CADM2: variants seen among roughly 807,000 people sequenced by gnomAD.
CADM2 encodes the protein immunoglobulin superfamily member 4D.
A neutral mutation model predicts 49.8 loss-of-function variants in CADM2; 12 were observed. The observed-to-expected ratio is 0.24, with a 90% CI of 0.15 to 0.39. The LOEUF (loss-of-function observed/expected upper bound fraction) is 0.39. CADM2 is among the 10% of genes least tolerant of loss of function. The probability of loss-of-function intolerance (pLI) is 1.00; values close to 1 mark genes in which losing one functional copy is unlikely to be tolerated. For missense variants in CADM2, 378 were observed against 492.3 expected (o/e 0.77, Z 2.20); for synonymous variants, 214 against 175.4 (o/e 1.22, Z -1.74).
intron 2 of CADM2, among the ~76,000 whole-genome samples, chr3:85,733,559 T>C (rs947159987): frequency 1.3e-5 from 2 of 152,162 alleles, no homozygotes; most frequent in African/African-American, 2.4e-5. Flanking sequence ...AATAATATTA[T>C]TTCCAATTGA....
chr3:85,200,017 A>T (rs546735714), intron 1 of CADM2, among the ~76,000 whole-genome samples: 1 of 152,178 alleles, frequency 6.6e-6, no homozygotes, highest in East Asian at 1.9e-4. Context: ...AATGTAGTCG[A>T]TGTTACATTT....
chr3:85,907,626 A>G (rs1211456535), intron 5 of CADM2, among the ~76,000 whole-genome samples: 2 of 152,012 alleles, frequency 1.3e-5, no homozygotes, highest in African/African-American at 4.8e-5. Flanking sequence ...AAGTGAAGGT[A>G]TTGGCTGGAC....
intron 3 of CADM2, among the ~76,000 whole-genome samples, chr3:85,842,611 G>C (rs2074688812): frequency 6.6e-6 from 1 of 152,014 alleles, no homozygotes; most frequent in Non-Finnish European, 1.5e-5. Flanking sequence ...TGTCTTCTTG[G>C]CAAGGTTAGG....
chr3:85,690,497 G>A (rs1041998586), intron 1 of CADM2, among the ~76,000 whole-genome samples: 1 of 151,954 alleles, frequency 6.6e-6, no homozygotes, highest in Non-Finnish European at 1.5e-5. Context: ...AAATGGGGGT[G>A]GGGGGAGTCA....
chr3:85,561,991 A>G (rs554874012), intron 1 of CADM2, among the ~76,000 whole-genome samples: 2 of 152,176 alleles, frequency 1.3e-5, no homozygotes, highest in South Asian at 4.1e-4. Flanking sequence ...TAATTTTAGA[A>G]AAGTGCCTCA....
chr3:85,391,580 T>C (rs1226914310), intron 1 of CADM2, among the ~76,000 whole-genome samples: 1 of 152,078 alleles, frequency 6.6e-6, no homozygotes, highest in African/African-American at 2.4e-5. Flanking sequence ...AGTCAAGACC[T>C]GACACAACAG....
At chr3:86,060,552 A>ATTAT (rs1352326244) in intron 8 of CADM2, among the ~76,000 whole-genome samples, 2 of 152,142 alleles carry the variant, frequency 1.3e-5, no homozygotes, top group Admixed American at 6.5e-5. Context: ...ATATGTAAAG[A>ATTAT]TTATTTATTT....
At chr3:85,173,477 A>G (rs1023836261) in intron 1 of CADM2, among the ~76,000 whole-genome samples, 1 of 149,586 alleles carries the variant, frequency 6.7e-6, no homozygotes, top group African/African-American at 2.5e-5. Flanking sequence ...AAATTTCTCA[A>G]GTTTTTTCTT....
intron 8 of CADM2, among the ~76,000 whole-genome samples, chr3:86,029,305 G>A (rs894679375): frequency 1.3e-5 from 2 of 152,028 alleles, no homozygotes; most frequent in Non-Finnish European, 2.9e-5. Flanking sequence ...AGGCTGAGAG[G>A]CAATTTAGGA....
intron 1 of CADM2, among the ~76,000 whole-genome samples, chr3:85,579,248 T>C (rs899352035): frequency 6.6e-6 from 1 of 152,176 alleles, no homozygotes; most frequent in African/African-American, 2.4e-5. Flanking sequence ...TCCTTCATTC[T>C]TCCTCATTTT....
intron 1 of CADM2, among the ~76,000 whole-genome samples, chr3:85,222,978 T>G (rs2107795301): frequency 6.6e-6 from 1 of 152,280 alleles, no homozygotes; most frequent in East Asian, 1.9e-4. Flanking sequence ...AGAACTACTA[T>G]CGAACTTAAA....
chr3:85,798,588 G>A (rs533774708), intron 2 of CADM2, among the ~76,000 whole-genome samples: 1 of 152,092 alleles, frequency 6.6e-6, no homozygotes, highest in Non-Finnish European at 1.5e-5. Flanking sequence ...TAGATGTGTG[G>A]CATTATTTCT....
intron 1 of CADM2, among the ~76,000 whole-genome samples, chr3:85,410,684 G>A (rs993503440): frequency 2.0e-5 from 3 of 152,140 alleles, no homozygotes; most frequent in Non-Finnish European, 4.4e-5. Flanking sequence ...GCTACAACAA[G>A]TTATTGGCTA....
intron 7 of CADM2, among the ~76,000 whole-genome samples, chr3:85,961,198 G>A (rs1212548656): frequency 6.6e-6 from 1 of 151,300 alleles, no homozygotes; most frequent in African/African-American, 2.4e-5. Context: ...CACACGACTT[G>A]AGCAGGGGAC....
intron 7 of CADM2, among the ~76,000 whole-genome samples, chr3:85,948,689 A>G (rs1452303741): frequency 6.6e-6 from 1 of 151,390 alleles, no homozygotes; most frequent in African/African-American, 2.4e-5. Flanking sequence ...AACGTATAGA[A>G]GCTTCTAAAT....
chr3:85,461,547 A>G (rs546492074), intron 1 of CADM2, among the ~76,000 whole-genome samples: 1 of 152,272 alleles, frequency 6.6e-6, no homozygotes, highest in South Asian at 2.1e-4. Context: ...CTCAGGAGGA[A>G]AAAGTTTCAA....
intron 1 of CADM2, among the ~76,000 whole-genome samples, chr3:85,670,938 T>G (rs1169882026): frequency 6.6e-6 from 1 of 152,166 alleles, no homozygotes; most frequent in African/African-American, 2.4e-5. Flanking sequence ...TGATCACCTC[T>G]CCATCTCTTT....
chr3:85,075,127 A>G (rs1004575337), intron 1 of CADM2, among the ~76,000 whole-genome samples: 1 of 152,154 alleles, frequency 6.6e-6, no homozygotes, highest in Admixed American at 6.5e-5. Context: ...GAGACAATGA[A>G]TACAGAACTT....
At chr3:85,212,843 TTTCTTTCTTTCTTTCTTTC>T (rs2041817821) in intron 1 of CADM2, among the ~76,000 whole-genome samples, 1 of 116,792 alleles carries the variant, frequency 8.6e-6, no homozygotes, top group African/African-American at 3.9e-5. Flanking sequence ...TCTTTCTTTC[TTTCTTTCTTTCTTTCTTTC>T]TTTCTTTCTT....
Sources: gnomAD v4.1 joint callset for allele counts (sites outside exome capture counted in the v4.1 genomes callset) on GRCh38, gnomAD v4.1.1 for gene constraint, MANE v1.5 for transcripts, NCBI Gene and HGNC (gene_info 2026-07-23, HGNC 2026-07-21) for gene names.